ICAM1: variants seen among roughly 807,000 people sequenced by gnomAD.
The protein encoded by ICAM1 is ICAM-1.
In ICAM1, 28 loss-of-function variants were observed where a neutral mutation model predicts 42.3. The ratio of observed to expected loss-of-function variants is 0.66; its 90% CI spans 0.49 to 0.91. The LOEUF (loss-of-function observed/expected upper bound fraction) is 0.91, where lower values mean the gene tolerates loss of function less well. Ranked by LOEUF, ICAM1 falls within the 40% of genes least tolerant of loss-of-function variation. The pLI is 0.00. For synonymous variants in ICAM1, 304 were observed against 305.9 expected (o/e 0.99, Z 0.07); for missense variants, 637 against 688.6 (o/e 0.93, Z 0.84).
chr19:10,273,220 C>A (rs556764523), intron 1 of ICAM1, among the ~76,000 whole-genome samples: 3 of 152,112 alleles, frequency 2.0e-5, no homozygotes, highest in African/African-American at 7.2e-5. Context: ...GGGCCAGGCG[C>A]GGTGGCTCAC....
At chr19:10,281,712 G>T (rs1206692681) in intron 2 of ICAM1, among the ~76,000 whole-genome samples, 1 of 143,274 alleles carries the variant, frequency 7.0e-6, no homozygotes, top group African/African-American at 2.6e-5. Flanking sequence ...GACCCCCCCG[G>T]TCCTGATGCT....
At chr19:10,278,548 C>CTTCTTT (rs2040032361) in intron 2 of ICAM1, among the ~76,000 whole-genome samples, 1 of 41,746 alleles carries the variant, frequency 2.4e-5, no homozygotes, top group Non-Finnish European at 4.2e-5. Context: ...CCTGATAGGT[C>CTTCTTT]TTTTTTTTTT....
intron 1 of ICAM1, among the ~76,000 whole-genome samples, chr19:10,273,938 C>T (rs1330997721): frequency 1.3e-5 from 2 of 151,590 alleles, no homozygotes; most frequent in Non-Finnish European, 2.9e-5. Flanking sequence ...CACTTGAACC[C>T]GGGAGGCAAA....
chr19:10,284,068 C>CG lies in ICAM1; in HGVS notation c.676dup (p.Val226GlyfsTer108). ...GACTCCCCCACAACTTGTCAGCCCCCGGGTCCTAGAGGTGGACACGCAGGG... is the reference window on the plus strand; with the variant it reads ...GACTCCCCCACAACTTGTCAGCCCCCGGGGTCCTAGAGGTGGACACGCAGGG... On this transcript the variant is annotated frameshift_variant, in exon 4 of 7. Transcript: ENST00000264832. LOFTEE classifies it high-confidence loss of function. This position sits in a 1 kb window ranked among gnomAD's most constrained non-coding sequence, Gnocchi z 5.4. 6.2e-7 allele frequency: 1 copy of CG among 1,613,916 alleles called. No individual in the cohort carries two copies.
In ICAM1 at chr19:10,281,207, G is replaced by C. The variant is rs575000034; in HGVS notation, c.332-2274G>C. Among the ~76,000 whole-genome samples, 5 of 151,544 alleles carry C rather than the reference G, an allele frequency of 3.3e-5. No individual in the cohort carries two copies. The East Asian group carries it at 5.9e-4, about 18-fold the overall frequency. ...TGGTCTTGAACTCCTGACTTCCGGT[G>C]ATCCATCTGTTCTGGCCTCCCAAAG... On this transcript the variant is annotated intron_variant, in intron 2 of 6. Coordinates refer to ENST00000264832, the MANE Select transcript of ICAM1 (RefSeq NM_000201.3).
chr19:10,275,118 C>T (rs1341135112), intron 2 of ICAM1, 90 bp downstream of exon 2: 1 of 1,375,556 alleles, frequency 7.3e-7, no homozygotes, highest in African/African-American at 1.5e-5. Flanking sequence ...GAATCTTTGC[C>T]ACTTGCTCGT....
chr19:10,283,260 T>C (rs2040074149), intron 2 of ICAM1: 6 of 482,934 alleles, frequency 1.2e-5, no homozygotes, highest in Admixed American at 3.6e-5. Flanking sequence ...CACTCTAAGA[T>C]GCTGCTGTCA....
At chr19:10,274,254 TTTTG>T in intron 1 of ICAM1, among the ~76,000 whole-genome samples, 1 of 152,196 alleles carries the variant, frequency 6.6e-6, no homozygotes, top group East Asian at 1.9e-4. Context: ...TATCACCCTG[TTTTG>T]TTTTTGTCAA....
At chr19:10,276,508 G>A (rs1308613211) in intron 2 of ICAM1, among the ~76,000 whole-genome samples, 2 of 137,204 alleles carry the variant, frequency 1.5e-5, no homozygotes, top group Admixed American at 7.8e-5. Context: ...TCGTGCCACT[G>A]CACTCCAGCC....
intron 2 of ICAM1, 96 bp from the exon 3 acceptor site, chr19:10,283,385 A>T: frequency 8.2e-7 from 1 of 1,224,286 alleles, no homozygotes; most frequent in South Asian, 1.5e-5. Flanking sequence ...TGGGGGAGAT[A>T]CTGAAGAGGT....
In ICAM1 at chr19:10,274,928, G is replaced by A. The variant is rs190348035; in HGVS notation, c.231G>A (p.Lys77=). ...KELLLPGNNR[K]VYELSNVQED... ...TGCTCCTGCCTGGGAACAACCGGAA[G>A]GTGTATGAACTGAGCAATGTGCAAG... The change falls in exon 2 of 7, where the codon AAG becomes AAA. Residue 77 remains lysine (K), a synonymous_variant. Coordinates refer to ENST00000264832, the MANE Select transcript of ICAM1 (RefSeq NM_000201.3). 1 of 1,614,252 alleles carries A rather than the reference G, an allele frequency of 6.2e-7. No homozygotes were observed. Among genetic ancestry groups the A allele is most frequent in the Non-Finnish European group, 8.5e-7 (1 of 1,180,050 alleles).
At chr19:10,280,014 T>C (rs2040044321) in intron 2 of ICAM1, among the ~76,000 whole-genome samples, 1 of 152,162 alleles carries the variant, frequency 6.6e-6, no homozygotes, top group Non-Finnish European at 1.5e-5. Flanking sequence ...AGCTGAAGGC[T>C]GGATTTACTG....
At position 10,272,560 on chromosome 19, in the gene ICAM1, C is replaced by CTTT. The variant is rs1174775027; in HGVS notation, c.67+1354_67+1356dup. ...GCCCCTTCTTTCTTTCTTTTCTTTT[C>CTTT]TTTTTTTTTTTTTTTTTTTTTTGAG... On this transcript the variant is annotated intron_variant, in intron 1 of 6. Coordinates refer to ENST00000264832, the MANE Select transcript of ICAM1 (RefSeq NM_000201.3). Among the ~76,000 whole-genome samples, 516 of 55,950 alleles carry CTTT rather than the reference C, an allele frequency of 9.2e-3. 7 individuals are homozygous for CTTT. The highest frequency in any genetic ancestry group is 0.019 in the African/African-American group (349 of 18,028). 36.7% of individuals were successfully genotyped at this position (55,950 alleles called of 152,430 possible). A position where few individuals can be genotyped will look rare whatever the true frequency, so the allele number is the denominator to read the frequency against.
Position 10,284,482 on chromosome 19 carries a change from C to G in ICAM1, c.1005C>G (p.His335Gln). 6.2e-7 allele frequency: 1 copy of G among 1,614,048 alleles called. No individual in the cohort carries two copies. The highest frequency in any genetic ancestry group is 8.5e-7 in the Non-Finnish European group (1 of 1,180,020). Reference protein sequence around the residue: ...GTEVTVKCEAHPRAKVTLNGV... With the variant: ...GTEVTVKCEAQPRAKVTLNGV... ...AGGTGACAGTGAAGTGTGAGGCCCA[C>G]CCTAGAGCCAAGGTGACGCTGAATG... is the stretch of plus-strand genomic sequence containing the variant. The change falls in exon 5 of 7, where the codon CAC (histidine) becomes CAG (glutamine). Residue 335 changes from histidine to glutamine, a missense_variant. Coordinates refer to ENST00000264832, the MANE Select transcript of ICAM1 (RefSeq NM_000201.3). The surrounding 1 kb of genome is among the most constrained non-coding windows in gnomAD (Gnocchi z 5.4).
At position 10,284,065 on chromosome 19, in the gene ICAM1, C is replaced by G. The variant is rs1221439292; in HGVS notation, c.670C>G (p.Pro224Ala). 6.2e-7 allele frequency: 1 copy of G among 1,613,958 alleles called. No individual in the cohort carries two copies. The highest frequency in any genetic ancestry group is 8.5e-7 in the Non-Finnish European group (1 of 1,179,918). ...LPATPPQLVS[P>A]RVLEVDTQGT... ...AGCGACTCCCCCACAACTTGTCAGCCCCCGGGTCCTAGAGGTGGACACGCA... is the reference window on the plus strand; with the variant it reads ...AGCGACTCCCCCACAACTTGTCAGCGCCCGGGTCCTAGAGGTGGACACGCA... The change falls in exon 4 of 7, where the codon CCC (proline) becomes GCC (alanine). Residue 224 changes from proline to alanine, a missense_variant. Pro to Ala is a conservative substitution (Grantham distance 27). Transcript: ENST00000264832. This position sits in a 1 kb window ranked among gnomAD's most constrained non-coding sequence, Gnocchi z 5.4.
chr19:10,275,089 C>A (rs2040007435), intron 2 of ICAM1, 61 bp downstream of exon 2: 5 of 1,553,352 alleles, frequency 3.2e-6, no homozygotes, highest in Middle Eastern at 4.0e-4. Flanking sequence ...CGTGCAGGGG[C>A]ACCTGCAGAG....
chr19:10,284,977 G>T lies in ICAM1; in HGVS notation c.1375G>T (p.Ala459Ser), dbSNP rs1335162508. The T allele has an allele frequency of 6.2e-7, 1 of 1,612,688 alleles. No homozygotes were observed. The highest frequency in any genetic ancestry group is 1.1e-5 in the South Asian group (1 of 90,968). The change falls in exon 6 of 7, where the codon GCC (alanine) becomes TCC (serine). Residue 459 changes from alanine (A) to serine (S), a missense_variant. Transcript: ENST00000264832. This position sits in a 1 kb window ranked among gnomAD's most constrained non-coding sequence, Gnocchi z 5.4. ...RDLEGTYLCRARSTQGEVTRK... is the reference protein window; with the variant it reads ...RDLEGTYLCRSRSTQGEVTRK... ...TCTTGAGGGCACCTACCTCTGTCGG[G>T]CCAGGAGCACTCAAGGGGAGGTCAC...
chr19:10,282,148 G>A (rs994219897), intron 2 of ICAM1: 9 of 151,114 alleles, frequency 6.0e-5, no homozygotes, highest in Non-Finnish European at 1.0e-4. Context: ...GTTCACTATA[G>A]CCTTAAACTC....
At chr19:10,279,682 C>T (rs879696661) in intron 2 of ICAM1, among the ~76,000 whole-genome samples, 1 of 151,802 alleles carries the variant, frequency 6.6e-6, no homozygotes, top group Non-Finnish European at 1.5e-5. Context: ...ATAGGGTTTA[C>T]CATGTTAGCC....
Sources: allele counts gnomAD v4.1 joint callset (sites outside exome capture counted in the v4.1 genomes callset), GRCh38; gene constraint gnomAD v4.1.1; non-coding constraint Gnocchi (gnomAD v3.1); transcripts MANE v1.5; gene names NCBI Gene and HGNC (gene_info 2026-07-23, HGNC 2026-07-21).